Variants in MED13L observed in about 807,000 individuals in gnomAD.
The protein encoded by MED13L is mediator of RNA polymerase II transcription subunit 13-like.
In MED13L, 7 loss-of-function variants were observed where a neutral mutation model predicts 220.9. The observed-to-expected ratio is 0.03, with a 90% CI of 0.02 to 0.06. The LOEUF (loss-of-function observed/expected upper bound fraction) is 0.06, where lower values mean the gene tolerates loss of function less well. Ranked by LOEUF, MED13L falls within the 10% of genes least tolerant of loss-of-function variation. MED13L has a pLI of 1.00. For synonymous variants in MED13L, 1,011 were observed against 1,015.2 expected (o/e 1.00, Z 0.08); for missense variants, 1,965 against 2,760.5 (o/e 0.71, Z 6.46).
chr12:116,083,676 G>A (rs1871392882), intron 4 of MED13L, among the ~76,000 whole-genome samples: 1 of 152,078 alleles, frequency 6.6e-6, no homozygotes, highest in Non-Finnish European at 1.5e-5. Flanking sequence ...TCCTGAAAAC[G>A]CTGCACGTAC....
intron 2 of MED13L, among the ~76,000 whole-genome samples, chr12:116,156,252 C>T (rs1878420415): frequency 6.6e-6 from 1 of 151,740 alleles, no homozygotes; most frequent in Admixed American, 6.6e-5. Context: ...ATGTCTCCAG[C>T]AAGTTATAAC....
chr12:116,262,314 A>C (rs1872571922), intron 1 of MED13L, among the ~76,000 whole-genome samples: 1 of 152,222 alleles, frequency 6.6e-6, no homozygotes, highest in Non-Finnish European at 1.5e-5. Flanking sequence ...TACTAAAACT[A>C]GACTGGGCTG....
intron 1 of MED13L, among the ~76,000 whole-genome samples, chr12:116,267,937 C>G (rs904105395): frequency 1.3e-5 from 2 of 152,052 alleles, no homozygotes; most frequent in Non-Finnish European, 2.9e-5. Context: ...ATTACCAAGC[C>G]ACAGTACATA....
Position 115,996,511 on chromosome 12 carries a change from C to A in MED13L, c.2961G>T (p.Met987Ile). ...CTCTAATGAAAGTGGCTGCAGGGGG[C>A]ATGGGCAGTTGTTCAATTTTAGGAG... ...AIPPKIEQLPMPPAATFIRDG... is the reference protein window; with the variant it reads ...AIPPKIEQLPIPPAATFIRDG... The change falls in exon 16 of 31, where the codon ATG (methionine) becomes ATT (isoleucine). Residue 987 changes from methionine (M) to isoleucine (I), a missense_variant. Transcript: ENST00000281928. 6.2e-7 allele frequency: 1 copy of A among 1,614,170 alleles called. No individual in the cohort carries two copies. The highest frequency in any genetic ancestry group is 1.6e-4 in the Middle Eastern group (1 of 6,062).
At chr12:116,053,010 T>C (rs1231654167) in intron 4 of MED13L, among the ~76,000 whole-genome samples, 1 of 152,206 alleles carries the variant, frequency 6.6e-6, no homozygotes, top group Non-Finnish European at 1.5e-5. Context: ...AGACATTTTC[T>C]AGAAAATAAA....
chr12:116,038,022 A>C (rs1014753392), intron 4 of MED13L, among the ~76,000 whole-genome samples: 1 of 152,200 alleles, frequency 6.6e-6, no homozygotes, highest in African/African-American at 2.4e-5. Flanking sequence ...TAAACTAGCC[A>C]GATTATCTAG....
At chr12:116,149,896 A>T (rs370855666) in intron 2 of MED13L, among the ~76,000 whole-genome samples, 1 of 152,218 alleles carries the variant, frequency 6.6e-6, no homozygotes. Context: ...ACATATTTTT[A>T]AAGGGCTGAG....
At chr12:116,049,924 T>C (rs1197971588) in intron 4 of MED13L, among the ~76,000 whole-genome samples, 1 of 152,222 alleles carries the variant, frequency 6.6e-6, no homozygotes, top group Non-Finnish European at 1.5e-5. Flanking sequence ...TTCAGACTTA[T>C]TTTAAGAAAT....
At chr12:116,121,260 G>T (rs1004964635) in intron 2 of MED13L, among the ~76,000 whole-genome samples, 1 of 152,074 alleles carries the variant, frequency 6.6e-6, no homozygotes, top group Non-Finnish European at 1.5e-5. Context: ...ACTGCTTAGT[G>T]CCCAAATAAT....
chr12:116,068,855 G>T (rs1249247836), intron 4 of MED13L, among the ~76,000 whole-genome samples: 1 of 151,120 alleles, frequency 6.6e-6, no homozygotes, highest in Non-Finnish European at 1.5e-5. Context: ...CATTTAATGC[G>T]GGGGGTGGGG....
At chr12:116,111,546 C>T in intron 2 of MED13L, 34 bp from the exon 3 acceptor site, 2 of 1,522,712 alleles carry the variant, frequency 1.3e-6, no homozygotes, top group Non-Finnish European at 1.8e-6. Flanking sequence ...AAAAAAAGAA[C>T]CAGTAAAAAG....
intron 1 of MED13L, among the ~76,000 whole-genome samples, chr12:116,257,691 A>T (rs1872173091): frequency 1.3e-5 from 2 of 152,168 alleles, no homozygotes; most frequent in Non-Finnish European, 2.9e-5. Flanking sequence ...TGTGATACTA[A>T]ATCATTTTGA....
At chr12:116,235,278 A>T (rs1869972207) in intron 2 of MED13L, among the ~76,000 whole-genome samples, 1 of 152,204 alleles carries the variant, frequency 6.6e-6, no homozygotes, top group African/African-American at 2.4e-5. Context: ...AAAAGAGGAG[A>T]CGCACTCAAT....
chr12:116,134,101 CT>C (rs1417378883), intron 2 of MED13L, among the ~76,000 whole-genome samples: 1 of 152,178 alleles, frequency 6.6e-6, no homozygotes, highest in Non-Finnish European at 1.5e-5. Flanking sequence ...ATAAAATAAA[CT>C]GTTTTTTGCT....
intron 2 of MED13L, among the ~76,000 whole-genome samples, chr12:116,143,330 C>CAAAA (rs776961298): frequency 1.2e-5 from 1 of 81,194 alleles, no homozygotes. Flanking sequence ...CACCTTGTCT[C>CAAAA]AAAAAAAAAA....
At chr12:116,219,151 G>A (rs1189583945) in intron 2 of MED13L, among the ~76,000 whole-genome samples, 1 of 152,158 alleles carries the variant, frequency 6.6e-6, no homozygotes, top group African/African-American at 2.4e-5. Flanking sequence ...CAATAATAAA[G>A]AGACAAGCTT....
chr12:116,118,905 T>A (rs1041824082), intron 2 of MED13L, among the ~76,000 whole-genome samples: 1 of 152,190 alleles, frequency 6.6e-6, no homozygotes, highest in African/African-American at 2.4e-5. Context: ...ATAAAATGTC[T>A]TAAATTTTAA....
chr12:116,196,917 T>C (rs182220256), intron 2 of MED13L, among the ~76,000 whole-genome samples: 237 of 152,356 alleles, frequency 1.6e-3, no homozygotes, highest in Non-Finnish European at 2.0e-3. Context: ...AAGGCATTTA[T>C]ATCTAGTTAT....
At chr12:116,276,918 G>GA (rs1873902568) in intron 1 of MED13L, 142 bp downstream of exon 1, 1 of 1,012,992 alleles carries the variant, frequency 9.9e-7, no homozygotes, top group South Asian at 1.4e-5. Flanking sequence ...AAAAGGGGGA[G>GA]AATCGGCGAG....
Sources: allele counts gnomAD v4.1 joint callset (sites outside exome capture counted in the v4.1 genomes callset), GRCh38; gene constraint gnomAD v4.1.1; transcripts MANE v1.5; gene names NCBI Gene and HGNC (gene_info 2026-07-23, HGNC 2026-07-21).